HTR1E: variants seen among roughly 807,000 people sequenced by gnomAD.
HTR1E encodes 5-hydroxytryptamine receptor 1E.
HTR1E carries 3 observed loss-of-function variants against 3.4 expected under a neutral mutation model. The ratio of observed to expected loss-of-function variants is 0.89; its 90% confidence interval spans 0.41 to 2.31. The LOEUF (loss-of-function observed/expected upper bound fraction) is 2.31, where lower values mean the gene tolerates loss of function less well. HTR1E is among the 30% of genes most tolerant of loss of function. HTR1E has a pLI of 0.05. For synonymous variants in HTR1E, 170 were observed against 182.8 expected, an observed-to-expected ratio of 0.93 and a Z score of 0.56; for missense variants, 392 against 467.0, an observed-to-expected ratio of 0.84 and a Z score of 1.48.
chr6:86,978,057 G>C (rs778545632), intron 1 of HTR1E, among the ~76,000 whole-genome samples: 1 of 152,088 alleles, frequency 6.6e-6, no homozygotes, highest in East Asian at 1.9e-4. Flanking sequence ...TCCATGATTA[G>C]TTTAATTAGC....
chr6:86,991,079 CAT>C, intron 1 of HTR1E, among the ~76,000 whole-genome samples: 1 of 152,212 alleles, frequency 6.6e-6, no homozygotes. Flanking sequence ...CCAGTCTAAA[CAT>C]GAGGGAAAAC....
intron 1 of HTR1E, among the ~76,000 whole-genome samples, chr6:87,001,780 C>T (rs1023375299): frequency 2.6e-5 from 4 of 151,864 alleles, no homozygotes; most frequent in African/African-American, 9.7e-5. Flanking sequence ...GGAACTCAGA[C>T]AAAAATAAAT....
intron 1 of HTR1E, among the ~76,000 whole-genome samples, chr6:87,002,070 A>G (rs750163842): frequency 1.3e-5 from 2 of 152,226 alleles, no homozygotes; most frequent in Non-Finnish European, 2.9e-5. Context: ...AAGAGGATAT[A>G]ACAATTGTAA....
Position 87,015,977 on chromosome 6 carries a change from A to T in HTR1E, c.643A>T (p.Lys215Ter). The T allele has an allele frequency of 6.2e-7, 1 of 1,614,236 alleles. No individual in the cohort carries two copies. Among genetic ancestry groups the T allele is most frequent in the Non-Finnish European group, 8.5e-7 (1 of 1,180,040 alleles). Residue 215 changes from lysine to a stop codon, truncating the protein, a stop_gained, in exon 2 of 2, where the codon AAA (lysine) becomes TAA (stop). Transcript: ENST00000305344. LOFTEE classifies it low-confidence loss of function (END_TRUNC). ...CCACGCGGCCAAGAGCCTTTACCAG[A>T]AAAGGGGATCAAGTCGGCACTTAAG... ...IYHAAKSLYQ[K>*]RGSSRHLSNR...
chr6:87,016,184 A>C lies in HTR1E; in HGVS notation c.850A>C (p.Thr284Pro). Residue 284 changes from threonine (T) to proline (P), a missense_variant, in exon 2 of 2, where the codon ACC (threonine) becomes CCC (proline). Around this residue, in one of 3 missense-constraint regions of HTR1E, gnomAD observed 178 missense variants for 164.9 expected, o/e 1.08. Transcript: ENST00000305344. Reference protein sequence around the residue: ...HPGERQQISSTRERKAARILG... With the variant: ...HPGERQQISSPRERKAARILG... Reference sequence around the variant, plus strand: ...AGGAGAACGTCAGCAGATCTCTAGCACCAGGGAACGGAAGGCAGCACGCAT... The same window carrying C: ...AGGAGAACGTCAGCAGATCTCTAGCCCCAGGGAACGGAAGGCAGCACGCAT... 1 of 1,614,154 alleles carries C rather than the reference A, an allele frequency of 6.2e-7. No homozygotes were observed. Among genetic ancestry groups the C allele is most frequent in the Non-Finnish European group, 8.5e-7 (1 of 1,180,026 alleles).
chr6:86,976,110 T>C (rs1430536296), intron 1 of HTR1E, among the ~76,000 whole-genome samples: 2 of 151,604 alleles, frequency 1.3e-5, no homozygotes, highest in Non-Finnish European at 2.9e-5. Context: ...ACAAGACTGA[T>C]GACAGAAACA....
intron 1 of HTR1E, among the ~76,000 whole-genome samples, chr6:87,013,408 A>G (rs1768267229): frequency 6.6e-6 from 1 of 152,210 alleles, no homozygotes; most frequent in African/African-American, 2.4e-5. Context: ...TTATGTCACA[A>G]TAAAGTGGAA....
At chr6:87,010,455 C>G (rs1334985566) in intron 1 of HTR1E, among the ~76,000 whole-genome samples, 11 of 150,686 alleles carry the variant, frequency 7.3e-5, no homozygotes, top group East Asian at 5.9e-4. Flanking sequence ...AGAGACGCTC[C>G]TCACCTCCCA....
At chr6:86,997,112 A>G (rs1256529340) in intron 1 of HTR1E, among the ~76,000 whole-genome samples, 1 of 152,016 alleles carries the variant, frequency 6.6e-6, no homozygotes, top group Non-Finnish European at 1.5e-5. Flanking sequence ...ATCAATCAAC[A>G]CAGAAAAATT....
intron 1 of HTR1E, among the ~76,000 whole-genome samples, chr6:86,973,063 A>G (rs1484744553): frequency 6.6e-6 from 1 of 152,192 alleles, no homozygotes; most frequent in Non-Finnish European, 1.5e-5. Flanking sequence ...AGCTTAGTCT[A>G]TAATATAGAA....
At chr6:86,996,855 T>C (rs546484178) in intron 1 of HTR1E, among the ~76,000 whole-genome samples, 23 of 151,764 alleles carry the variant, frequency 1.5e-4, no homozygotes, top group South Asian at 4.2e-4. Context: ...TTGCAGAAAA[T>C]AGAAAAGGAA....
At chr6:86,973,321 TGTGTG>T in intron 1 of HTR1E, among the ~76,000 whole-genome samples, 1 of 151,120 alleles carries the variant, frequency 6.6e-6, no homozygotes. Context: ...TGTGTGTGTG[TGTGTG>T]TGTGTCTGTG....
chr6:86,962,586 C>T (rs1213699773), intron 1 of HTR1E, among the ~76,000 whole-genome samples: 1 of 152,134 alleles, frequency 6.6e-6, no homozygotes, highest in African/African-American at 2.4e-5. Flanking sequence ...ACCTGTAGTC[C>T]CAACACTTTG....
At chr6:87,010,752 C>G (rs1344523237) in intron 1 of HTR1E, among the ~76,000 whole-genome samples, 1 of 150,174 alleles carries the variant, frequency 6.7e-6, no homozygotes, top group Non-Finnish European at 1.5e-5. Flanking sequence ...GGGTGGCGGC[C>G]GGGCAGAGGC....
chr6:87,010,269 A>G (rs1404428767), intron 1 of HTR1E, among the ~76,000 whole-genome samples: 1 of 109,826 alleles, frequency 9.1e-6, no homozygotes, highest in Non-Finnish European at 1.8e-5. Flanking sequence ...GGCCGGGCAG[A>G]GGTGCCCCTC....
Position 86,946,886 on chromosome 6 carries a change from A to G in HTR1E, c.-186+9063A>G, listed in dbSNP as rs556605446. ...AATCCCAGTACTTTGGGAAGCCAAG[A>G]CAGGCGGATCACCTGAGGTCAGGAG... is the stretch of plus-strand genomic sequence containing the variant. On this transcript the variant is annotated intron_variant, in intron 1 of 1. Coordinates refer to ENST00000305344, the MANE Select transcript of HTR1E (RefSeq NM_000865.3). Among the ~76,000 whole-genome samples the G allele has an allele frequency of 2.0e-5, 3 of 152,256 alleles. No homozygotes were observed. In the East Asian group the frequency reaches 5.8e-4, roughly 29 times the overall value.
At chr6:86,996,059 C>G (rs2127829017) in intron 1 of HTR1E, among the ~76,000 whole-genome samples, 1 of 152,172 alleles carries the variant, frequency 6.6e-6, no homozygotes, top group South Asian at 2.1e-4. Context: ...CAAAAACTGA[C>G]AGAACAAAAT....
intron 1 of HTR1E, among the ~76,000 whole-genome samples, chr6:87,001,309 T>TA: frequency 1.3e-5 from 2 of 152,278 alleles, no homozygotes; most frequent in South Asian, 4.1e-4. Context: ...AGTCCTTACT[T>TA]ACGGATAGTA....
At chr6:86,977,092 G>A (rs555600924) in intron 1 of HTR1E, among the ~76,000 whole-genome samples, 164 of 152,090 alleles carry the variant, frequency 1.1e-3, no homozygotes, top group Non-Finnish European at 1.8e-3. Flanking sequence ...TTATAGGTGT[G>A]GGGTATACAT....
Sources: allele counts gnomAD v4.1 joint callset (sites outside exome capture counted in the v4.1 genomes callset), GRCh38; gene constraint gnomAD v4.1.1; regional missense constraint gnomAD v4.1.1; transcripts MANE v1.5; gene names NCBI Gene and HGNC (gene_info 2026-07-23, HGNC 2026-07-21).